Variants in JPH3 observed in about 807,000 individuals in gnomAD.
The protein encoded by JPH3 is junctophilin-3.
In JPH3, 11 loss-of-function variants were observed where a neutral mutation model predicts 59.6. The ratio of observed to expected loss-of-function variants is 0.18; its 90% confidence interval spans 0.12 to 0.31. JPH3 has a LOEUF of 0.31. Among genes scored for constraint, JPH3 ranks in the 10% least tolerant of loss-of-function variants. JPH3 has a pLI of 1.00. For missense variants in JPH3, 1,202 were observed against 1,105.7 expected (o/e 1.09, Z -1.24); for synonymous variants, 673 against 483.6 (o/e 1.39, Z -5.14).
chr16:87,668,706 C>T (rs1286621794), intron 2 of JPH3, among the ~76,000 whole-genome samples: 2 of 152,172 alleles, frequency 1.3e-5, no homozygotes, highest in African/African-American at 4.8e-5. Flanking sequence ...CCATTGCTGT[C>T]AGTCTCTAAA....
chr16:87,685,446 G>A (rs1043437723), intron 3 of JPH3, among the ~76,000 whole-genome samples: 3 of 152,270 alleles, frequency 2.0e-5, no homozygotes, highest in African/African-American at 7.2e-5. Flanking sequence ...TCGCCCTCAG[G>A]CCCTGAGTTT....
rs377464453 is a variant in JPH3, at chr16:87,669,990, G to A, written c.1161-14152G>A. On this transcript the variant is annotated intron_variant, in intron 2 of 4. Coordinates refer to ENST00000284262, the MANE Select transcript of JPH3 (RefSeq NM_020655.4). ...CCAGCCGTGGGGGCGGGGGTAATCC[G>A]AGGCTGCGTCCCGAGGCTGTGGGAG... is the stretch of plus-strand genomic sequence containing the variant. Among the ~76,000 whole-genome samples the A allele has an allele frequency of 4.6e-5, 7 of 152,288 alleles. No homozygotes were observed. In the South Asian group the frequency reaches 1.2e-3, roughly 27 times the overall value.
rs1340772392 is a variant in JPH3, at chr16:87,660,150, C to T, written c.1160+15115C>T. Among the ~76,000 whole-genome samples the T allele has an allele frequency of 2.0e-5, 3 of 152,178 alleles. No individual in the cohort carries two copies. In the East Asian group the frequency reaches 5.8e-4, roughly 29 times the overall value. On this transcript the variant is annotated intron_variant, in intron 2 of 4. Transcript: ENST00000284262. ...CTGAGGACAGGACCTGCCTCCGAGC[C>T]TGGGGAGAGACGGCAGTGCACAGGG...
intron 4 of JPH3, among the ~76,000 whole-genome samples, chr16:87,691,224 A>G (rs975871994): frequency 9.4e-5 from 14 of 149,166 alleles, no homozygotes; most frequent in African/African-American, 3.4e-4. Context: ...TGCCTCACAC[A>G]GGGCTGGCCT....
chr16:87,657,099 G>A (rs2032527923), intron 2 of JPH3, among the ~76,000 whole-genome samples: 2 of 152,162 alleles, frequency 1.3e-5, no homozygotes, highest in African/African-American at 2.4e-5. Flanking sequence ...ACCTGAGGGG[G>A]ACTCAGCCTG....
rs375241947 is a variant in JPH3, at chr16:87,690,293, C to T, written c.1933C>T (p.Pro645Ser). 91 of 1,598,398 alleles carry T rather than the reference C, an allele frequency of 5.7e-5. No individual in the cohort carries two copies. The African/African-American group carries it at 1.1e-3, about 19-fold the overall frequency. Residue 645 changes from proline to serine, a missense_variant, in exon 4 of 5, where the codon CCC (proline) becomes TCC (serine). Physicochemically the swap from Pro to Ser is moderately conservative, Grantham distance 74. Coordinates refer to ENST00000284262, the MANE Select transcript of JPH3 (RefSeq NM_020655.4). Reference protein sequence around the residue: ...ACRGLGDDHRPEDRGFGVQRL... With the variant: ...ACRGLGDDHRSEDRGFGVQRL... ...CCGGGGCTTGGGGGACGACCACCGC[C>T]CCGAGGACCGGGGCTTCGGGGTGCA...
chr16:87,629,482 G>A (rs968633103), intron 1 of JPH3, among the ~76,000 whole-genome samples: 1 of 147,426 alleles, frequency 6.8e-6, no homozygotes, highest in African/African-American at 2.4e-5. Flanking sequence ...ATTGCCCAAA[G>A]TCGGAAGCAG....
chr16:87,658,043 C>T (rs1432158606), intron 2 of JPH3, among the ~76,000 whole-genome samples: 3 of 152,166 alleles, frequency 2.0e-5, no homozygotes, highest in Admixed American at 1.3e-4. Context: ...TGGGGGCCCA[C>T]ACCCTGGTCT....
At chr16:87,605,281 C>T (rs1394788332) in intron 1 of JPH3, among the ~76,000 whole-genome samples, 1 of 152,226 alleles carries the variant, frequency 6.6e-6, no homozygotes, top group Non-Finnish European at 1.5e-5. Flanking sequence ...GAGCACCCCA[C>T]TCTGCCCACG....
chr16:87,674,371 G>T (rs577025744), intron 2 of JPH3, among the ~76,000 whole-genome samples: 1 of 152,328 alleles, frequency 6.6e-6, no homozygotes, highest in East Asian at 1.9e-4. Flanking sequence ...GGGCAGAACT[G>T]TGTGTGGTGG....
intron 2 of JPH3, among the ~76,000 whole-genome samples, chr16:87,648,648 TGGCCCC>T (rs1451454971): frequency 1.3e-5 from 2 of 152,168 alleles, no homozygotes; most frequent in African/African-American, 4.8e-5. Flanking sequence ...CTAAGGGGAC[TGGCCCC>T]GGCCCTGGGC....
At chr16:87,604,415 C>G in intron 1 of JPH3, 1 of 1,407,474 alleles carries the variant, frequency 7.1e-7, no homozygotes, top group Non-Finnish European at 9.4e-7. Context: ...CTCAGTGCAC[C>G]TGACACGCAT....
At position 87,602,601 on chromosome 16, in the gene JPH3, G is replaced by GC. The variant is rs1320928526; in HGVS notation, c.-542dup. 7.2e-6 allele frequency among the ~76,000 whole-genome samples: 1 copy of GC among 138,510 alleles called. No homozygotes were observed. The highest frequency in any genetic ancestry group is 1.6e-5 in the Non-Finnish European group (1 of 63,070). 90.9% of individuals were successfully genotyped at this position (138,510 alleles called of 152,430 possible). On this transcript the variant is annotated 5_prime_UTR_variant, in exon 1 of 5. Transcript: ENST00000284262. ...CATTGCTGCTGCTGCTGCCGCCGCC[G>GC]CCCCGCGCCCGGCCCGCGGCCCCCA... is the stretch of plus-strand genomic sequence containing the variant.
rs753628030 is a variant in JPH3 at position 87,644,262 on chromosome 16, C to A, written c.387C>A (p.Thr129=). Residue 129 remains threonine, a synonymous_variant, in exon 2 of 5, where the codon ACC becomes ACA. Coordinates refer to ENST00000284262, the MANE Select transcript of JPH3 (RefSeq NM_020655.4). ...CCTCTCTCATTTTCTCCCCAGGGACCTACCAGGGCCAGTGGGTCGGTGGCA... is the reference window on the plus strand; with the variant it reads ...CCTCTCTCATTTTCTCCCCAGGGACATACCAGGGCCAGTGGGTCGGTGGCA... ...YGTETYSDGG[T]YQGQWVGGMR... is the part of the protein sequence containing the mutation. 6.2e-7 allele frequency: 1 copy of A among 1,604,438 alleles called. No individual in the cohort carries two copies. The highest frequency in any genetic ancestry group is 2.2e-5 in the East Asian group (1 of 44,770).
intron 4 of JPH3, chr16:87,695,342 G>C (rs768925215): frequency 7.2e-5 from 33 of 455,988 alleles, no homozygotes; most frequent in South Asian, 4.6e-4. Context: ...TAACAGGGAG[G>C]GGGAGGAGAG....
intron 2 of JPH3, among the ~76,000 whole-genome samples, chr16:87,648,233 A>G (rs1188910826): frequency 6.7e-6 from 1 of 148,984 alleles, no homozygotes; most frequent in Non-Finnish European, 1.5e-5. Flanking sequence ...ATGGACTTAG[A>G]ATTTGGGGAA....
At chr16:87,664,839 G>A (rs1481845975) in intron 2 of JPH3, among the ~76,000 whole-genome samples, 1 of 152,112 alleles carries the variant, frequency 6.6e-6, no homozygotes, top group South Asian at 2.1e-4. Context: ...CAGCTAGCAG[G>A]TGGCAGAGCA....
intron 1 of JPH3, among the ~76,000 whole-genome samples, chr16:87,629,652 C>T (rs1484487049): frequency 7.7e-6 from 1 of 130,464 alleles, no homozygotes; most frequent in Non-Finnish European, 1.5e-5. Context: ...ACTCTGGAGA[C>T]AGTGACAAGA....
intron 1 of JPH3, among the ~76,000 whole-genome samples, chr16:87,613,783 G>A (rs190038821): frequency 6.6e-6 from 1 of 152,272 alleles, no homozygotes; most frequent in African/African-American, 2.4e-5. Flanking sequence ...CATCTATTTT[G>A]TTCCAAGTAT....
Sources: allele counts gnomAD v4.1 joint callset (sites outside exome capture counted in the v4.1 genomes callset), GRCh38; gene constraint gnomAD v4.1.1; transcripts MANE v1.5; gene names NCBI Gene and HGNC (gene_info 2026-07-23, HGNC 2026-07-21).